HTR1F: variants seen among roughly 807,000 people sequenced by gnomAD.
The protein encoded by HTR1F is 5-hydroxytryptamine receptor 1F.
Under a neutral mutation model 24.0 loss-of-function variants are expected in HTR1F, and 17 were observed. The ratio of observed to expected loss-of-function variants is 0.71; its 90% CI spans 0.48 to 1.06. The LOEUF is 1.06. Among genes scored for constraint, HTR1F ranks in the 50% least tolerant of loss-of-function variants. The pLI, the probability that HTR1F is intolerant of heterozygous loss-of-function variation, is 0.00. For synonymous variants in HTR1F, 186 were observed against 156.8 expected, an observed-to-expected ratio of 1.19 and a Z score of -1.39; for missense variants, 391 against 427.8, an observed-to-expected ratio of 0.91 and a Z score of 0.76.
At chr3:87,960,411 G>T (rs1218875174) in intron 2 of HTR1F, among the ~76,000 whole-genome samples, 2 of 151,966 alleles carry the variant, frequency 1.3e-5, no homozygotes, top group African/African-American at 4.8e-5. Context: ...AAAACTGAAG[G>T]AGTAGTCTGG....
At chr3:87,876,947 T>C (rs951335942) in intron 2 of HTR1F, among the ~76,000 whole-genome samples, 3 of 152,152 alleles carry the variant, frequency 2.0e-5, no homozygotes, top group Non-Finnish European at 1.5e-5. Flanking sequence ...GTTAAGATGG[T>C]AAATTTTATG....
intron 2 of HTR1F, among the ~76,000 whole-genome samples, chr3:87,952,955 A>G (rs1313998747): frequency 6.6e-6 from 1 of 151,886 alleles, no homozygotes; most frequent in African/African-American, 2.4e-5. Context: ...TTTTATCAAA[A>G]TAAGTAATAA....
chr3:87,855,315 C>T (rs1705174647), intron 2 of HTR1F, among the ~76,000 whole-genome samples: 1 of 151,988 alleles, frequency 6.6e-6, no homozygotes, highest in Non-Finnish European at 1.5e-5. Flanking sequence ...GAACTTTTAC[C>T]ATAATATTAA....
At chr3:87,807,814 G>T (rs1455968843) in intron 1 of HTR1F, among the ~76,000 whole-genome samples, 1 of 151,804 alleles carries the variant, frequency 6.6e-6, no homozygotes, top group Non-Finnish European at 1.5e-5. Flanking sequence ...AGTTTGTTGA[G>T]AATTTTTACC....
chr3:87,914,087 G>T (rs1269305026), intron 2 of HTR1F, among the ~76,000 whole-genome samples: 20 of 152,094 alleles, frequency 1.3e-4, no homozygotes, highest in Admixed American at 1.3e-3. Flanking sequence ...GATGGTCCAG[G>T]AAGCTGAAGG....
chr3:87,965,937 T>C (rs191676909), intron 2 of HTR1F, among the ~76,000 whole-genome samples: 35 of 152,312 alleles, frequency 2.3e-4, no homozygotes, highest in Non-Finnish European at 5.9e-5. Context: ...TTAAATTCTT[T>C]ACTAAAATGT....
intron 2 of HTR1F, among the ~76,000 whole-genome samples, chr3:87,927,838 C>T (rs1704164486): frequency 6.6e-6 from 1 of 152,028 alleles, no homozygotes; most frequent in Non-Finnish European, 1.5e-5. Flanking sequence ...GGGAACAGTA[C>T]ATAAATATTA....
At chr3:87,799,913 T>C (rs1303840794) in intron 1 of HTR1F, among the ~76,000 whole-genome samples, 5 of 152,230 alleles carry the variant, frequency 3.3e-5, no homozygotes, top group Non-Finnish European at 7.3e-5. Flanking sequence ...AAGACTCATA[T>C]AGTCCATATT....
At chr3:87,850,364 A>T (rs545459197) in intron 2 of HTR1F, among the ~76,000 whole-genome samples, 91 of 151,882 alleles carry the variant, frequency 6.0e-4, no homozygotes, top group Non-Finnish European at 1.1e-3. Context: ...AAGGACAAAA[A>T]ACCAAACACT....
At chr3:87,944,844 G>T (rs1261350562) in intron 2 of HTR1F, among the ~76,000 whole-genome samples, 1 of 152,190 alleles carries the variant, frequency 6.6e-6, no homozygotes, top group African/African-American at 2.4e-5. Context: ...CGGGGTTAAA[G>T]ATTTTAATAG....
chr3:87,888,560 A>T (rs1706010404), intron 2 of HTR1F, among the ~76,000 whole-genome samples: 1 of 152,192 alleles, frequency 6.6e-6, no homozygotes, highest in Non-Finnish European at 1.5e-5. Flanking sequence ...TATGGACTTT[A>T]TGGATTTTCA....
chr3:87,909,447 T>C lies in HTR1F; in HGVS notation c.-42-81261T>C, dbSNP rs143177052. Among the ~76,000 whole-genome samples the C allele has an allele frequency of 2.9e-3, 441 of 152,126 alleles. 7 individuals carry two copies. The highest frequency in any genetic ancestry group is 3.8e-3 in the Non-Finnish European group (260 of 67,938). Reference sequence around the variant, plus strand: ...TTACGTGCTCACGATATGCTTCCTCTGCTTAATATAAAAGCAGAACAACTC... The same window carrying C: ...TTACGTGCTCACGATATGCTTCCTCCGCTTAATATAAAAGCAGAACAACTC... On this transcript the variant is annotated intron_variant, in intron 2 of 2. Transcript: ENST00000319595.
At chr3:87,793,315 G>A (rs887390167) in intron 1 of HTR1F, 5 of 150,696 alleles carry the variant, frequency 3.3e-5, no homozygotes, top group African/African-American at 9.8e-5. Flanking sequence ...GATCTTGAGA[G>A]GATTCGCGGG....
intron 1 of HTR1F, among the ~76,000 whole-genome samples, chr3:87,806,009 G>T (rs1352538016): frequency 2.0e-5 from 3 of 151,866 alleles, no homozygotes; most frequent in Non-Finnish European, 4.4e-5. Flanking sequence ...AAGAACATGT[G>T]AAATTTGTCT....
intron 2 of HTR1F, among the ~76,000 whole-genome samples, chr3:87,937,963 T>C (rs764302326): frequency 2.0e-5 from 3 of 147,040 alleles, no homozygotes; most frequent in Non-Finnish European, 4.5e-5. Context: ...AAGAAAGAAA[T>C]AGAAGGCATC....
chr3:87,918,692 A>G (rs1396838185), intron 2 of HTR1F, among the ~76,000 whole-genome samples: 1 of 152,112 alleles, frequency 6.6e-6, no homozygotes, highest in Non-Finnish European at 1.5e-5. Flanking sequence ...CTAAAGGAAA[A>G]CTACGAAACA....
At chr3:87,833,416 C>T (rs1704622551) in intron 2 of HTR1F, among the ~76,000 whole-genome samples, 2 of 152,092 alleles carry the variant, frequency 1.3e-5, no homozygotes, top group South Asian at 4.1e-4. Context: ...TCATTCCTGA[C>T]CTTTTGGGTC....
intron 1 of HTR1F, among the ~76,000 whole-genome samples, chr3:87,797,474 C>T (rs962541861): frequency 5.9e-5 from 9 of 152,018 alleles, no homozygotes; most frequent in Non-Finnish European, 1.2e-4. Context: ...CAAAATGAGC[C>T]TTTATATGAA....
At chr3:87,972,829 T>C (rs1039343810) in intron 2 of HTR1F, among the ~76,000 whole-genome samples, 2 of 150,884 alleles carry the variant, frequency 1.3e-5, no homozygotes, top group African/African-American at 4.9e-5. Flanking sequence ...CATCACCTTG[T>C]TTCATTTTTT....
Sources: allele counts gnomAD v4.1 joint callset (sites outside exome capture counted in the v4.1 genomes callset), GRCh38; gene constraint gnomAD v4.1.1; transcripts MANE v1.5; gene names NCBI Gene and HGNC (gene_info 2026-07-23, HGNC 2026-07-21).